TRABD2B: variants seen among roughly 807,000 people sequenced by gnomAD.
TRABD2B encodes the protein TraB domain containing 2B.
Under a neutral mutation model 40.1 loss-of-function variants are expected in TRABD2B, and 14 were observed. The ratio of observed to expected loss-of-function variants is 0.35; its 90% CI spans 0.23 to 0.55. The LOEUF is 0.55. TRABD2B is among the 20% of genes least tolerant of loss of function. The pLI, the probability that TRABD2B is intolerant of heterozygous loss-of-function variation, is 0.90. For missense variants in TRABD2B, 541 were observed against 648.6 expected, an observed-to-expected ratio of 0.83 and a Z score of 1.80; for synonymous variants, 263 against 277.0, an observed-to-expected ratio of 0.95 and a Z score of 0.50.
intron 2 of TRABD2B, among the ~76,000 whole-genome samples, chr1:47,965,231 GT>G (rs1463211687): frequency 7.9e-5 from 6 of 76,320 alleles, no homozygotes; most frequent in African/African-American, 3.1e-4. Flanking sequence ...GGTGGGGGGG[GT>G]GGATGGGGAG....
intron 2 of TRABD2B, among the ~76,000 whole-genome samples, chr1:47,855,859 C>T (rs2124537118): frequency 6.6e-6 from 1 of 152,332 alleles, no homozygotes; most frequent in African/African-American, 2.4e-5. Flanking sequence ...CTTGACCATG[C>T]TAACACCCTG....
intron 2 of TRABD2B, among the ~76,000 whole-genome samples, chr1:47,962,114 CAGAA>C (rs888375402): frequency 6.6e-6 from 1 of 150,578 alleles, no homozygotes; most frequent in Non-Finnish European, 1.5e-5. Flanking sequence ...ATTGCAACGA[CAGAA>C]AGCCAAACAC....
intron 2 of TRABD2B, among the ~76,000 whole-genome samples, chr1:47,935,338 T>G (rs547557074): frequency 6.6e-6 from 1 of 152,288 alleles, no homozygotes; most frequent in South Asian, 2.1e-4. Flanking sequence ...TGGACTTAAA[T>G]TCAGAAGATT....
intron 2 of TRABD2B, among the ~76,000 whole-genome samples, chr1:47,966,671 G>A (rs959066186): frequency 5.3e-5 from 8 of 152,096 alleles, no homozygotes; most frequent in Admixed American, 2.0e-4. Context: ...TTGGGAGGCC[G>A]AGGTGGGCAG....
chr1:47,858,038 T>G (rs1050469478), intron 2 of TRABD2B, among the ~76,000 whole-genome samples: 2 of 152,022 alleles, frequency 1.3e-5, no homozygotes, highest in African/African-American at 4.8e-5. Context: ...ATGGTTCTAT[T>G]GTATGATTAG....
intron 2 of TRABD2B, among the ~76,000 whole-genome samples, chr1:47,885,592 T>C (rs983585106): frequency 6.6e-6 from 1 of 152,118 alleles, no homozygotes; most frequent in Non-Finnish European, 1.5e-5. Context: ...AGTTTCTTTA[T>C]GTGCTCTCCC....
intron 2 of TRABD2B, among the ~76,000 whole-genome samples, chr1:47,821,121 C>T (rs1257103802): frequency 1.3e-5 from 2 of 152,214 alleles, no homozygotes; most frequent in East Asian, 1.9e-4. Flanking sequence ...TGAGCTGAAA[C>T]GGCCTCCTGT....
chr1:47,813,794 T>C lies in TRABD2B; in HGVS notation c.667-12175A>G, dbSNP rs1357575003. Among the ~76,000 whole-genome samples the C allele has an allele frequency of 2.6e-5, 4 of 152,170 alleles. No homozygotes were observed. Among genetic ancestry groups the C allele is most frequent in the African/African-American group, 9.7e-5 (4 of 41,434 alleles). ...TGAAGAGAGGCTGGAATTCTGCATATGTGGATGAGATTTCCGTTCTCTCTT... is the reference window on the plus strand; with the variant it reads ...TGAAGAGAGGCTGGAATTCTGCATACGTGGATGAGATTTCCGTTCTCTCTT... On this transcript the variant is annotated intron_variant, in intron 2 of 6. Transcript: ENST00000606738. This position sits in a 1 kb window ranked among gnomAD's most constrained non-coding sequence, Gnocchi z 4.3.
intron 2 of TRABD2B, among the ~76,000 whole-genome samples, chr1:47,865,027 G>T (rs1644035049): frequency 6.6e-6 from 1 of 151,470 alleles, no homozygotes; most frequent in Non-Finnish European, 1.5e-5. Flanking sequence ...GGGTTGGGGT[G>T]GGGTGGGGTG....
At chr1:47,949,500 C>T (rs1389684466) in intron 2 of TRABD2B, among the ~76,000 whole-genome samples, 3 of 151,062 alleles carry the variant, frequency 2.0e-5, no homozygotes, top group Admixed American at 1.3e-4. Context: ...CTCTGCCTCC[C>T]GGGTTCAAGT....
At chr1:47,896,480 T>C (rs2124667847) in intron 2 of TRABD2B, among the ~76,000 whole-genome samples, 1 of 152,160 alleles carries the variant, frequency 6.6e-6, no homozygotes. Context: ...TGCCCAAACC[T>C]CCCTCTGGAA....
At chr1:47,796,372 G>A (rs1569963217) in intron 3 of TRABD2B, among the ~76,000 whole-genome samples, 1 of 152,150 alleles carries the variant, frequency 6.6e-6, no homozygotes. Flanking sequence ...ACTGAAGGGT[G>A]AGGTGGATGG....
At chr1:47,880,060 G>T (rs939910848) in intron 2 of TRABD2B, among the ~76,000 whole-genome samples, 1 of 152,190 alleles carries the variant, frequency 6.6e-6, no homozygotes, top group Non-Finnish European at 1.5e-5. Context: ...CTGTAATCCC[G>T]GCATTTTGGA....
intron 4 of TRABD2B, among the ~76,000 whole-genome samples, chr1:47,792,036 G>T (rs1644680607): frequency 2.0e-5 from 3 of 152,224 alleles, no homozygotes; most frequent in Non-Finnish European, 4.4e-5. Context: ...ATTCTTGGGT[G>T]GAAAGGAGAT....
At chr1:47,973,618 A>G (rs970879989) in intron 2 of TRABD2B, among the ~76,000 whole-genome samples, 1 of 152,104 alleles carries the variant, frequency 6.6e-6, no homozygotes, top group African/African-American at 2.4e-5. Flanking sequence ...AATCTCCACA[A>G]GCAACCAACA....
At chr1:47,875,152 C>T (rs1009258048) in intron 2 of TRABD2B, among the ~76,000 whole-genome samples, 1 of 151,796 alleles carries the variant, frequency 6.6e-6, no homozygotes, top group Non-Finnish European at 1.5e-5. Context: ...CAGGCTAAGC[C>T]TTAGGTGTTA....
chr1:47,875,553 G>A (rs988124856), intron 2 of TRABD2B, among the ~76,000 whole-genome samples: 18 of 151,772 alleles, frequency 1.2e-4, no homozygotes, highest in African/African-American at 4.4e-4. Flanking sequence ...TGGGTGTGGT[G>A]GTGCATGTCT....
At chr1:47,952,336 T>C (rs1645357360) in intron 2 of TRABD2B, among the ~76,000 whole-genome samples, 1 of 152,160 alleles carries the variant, frequency 6.6e-6, no homozygotes, top group Non-Finnish European at 1.5e-5. Flanking sequence ...CTGCCTCTGC[T>C]CATCTAGCCC....
chr1:47,918,745 T>C (rs1644862641), intron 2 of TRABD2B, among the ~76,000 whole-genome samples: 1 of 152,168 alleles, frequency 6.6e-6, no homozygotes, highest in African/African-American at 2.4e-5. Flanking sequence ...TACCATTCTA[T>C]GCCTCCATGC....
Sources: allele counts gnomAD v4.1 joint callset (sites outside exome capture counted in the v4.1 genomes callset), GRCh38; gene constraint gnomAD v4.1.1; non-coding constraint Gnocchi (gnomAD v3.1); transcripts MANE v1.5; gene names NCBI Gene and HGNC (gene_info 2026-07-23, HGNC 2026-07-21).